The following ARHGAP29 variants were observed in gnomAD, a reference collection of about 807,000 sequenced individuals.
ARHGAP29 encodes the protein rho GTPase-activating protein 29.
A neutral mutation model predicts 122.6 loss-of-function variants in ARHGAP29; 43 were observed. The ratio of observed to expected loss-of-function variants is 0.35; its 90% CI spans 0.27 to 0.45. The LOEUF (loss-of-function observed/expected upper bound fraction) is 0.45, where lower values mean the gene tolerates loss of function less well. Ranked by LOEUF, ARHGAP29 falls within the 20% of genes least tolerant of loss-of-function variation. The pLI, the probability that ARHGAP29 is intolerant of heterozygous loss-of-function variation, is 1.00. For synonymous variants in ARHGAP29, 506 were observed against 497.1 expected, an observed-to-expected ratio of 1.02 and a Z score of -0.24; for missense variants, 1,303 against 1,477.2, an observed-to-expected ratio of 0.88 and a Z score of 1.93.
chr1:94,280,141 T>C, the ARHGAP29 span, among the ~76,000 whole-genome samples: 3 of 152,078 alleles, frequency 2.0e-5, no homozygotes, highest in Non-Finnish European at 4.4e-5. Flanking sequence ...TCTTTACTTC[T>C]TAATGGTGAA....
At chr1:94,221,855 C>T (rs1232985396) in intron 2 of ARHGAP29, among the ~76,000 whole-genome samples, 1 of 151,546 alleles carries the variant, frequency 6.6e-6, no homozygotes, top group Non-Finnish European at 1.5e-5. Flanking sequence ...GTTTCTAATA[C>T]TATTCTCCAA....
intron 1 of ARHGAP29, among the ~76,000 whole-genome samples, chr1:94,250,802 A>G (rs1654053833): frequency 6.6e-6 from 1 of 152,220 alleles, no homozygotes; most frequent in Non-Finnish European, 1.5e-5. Context: ...TTAAGTTACT[A>G]CATTTCGAAC....
Position 94,263,008 on chromosome 1 carries a change from C to T in ARHGAP29, c.-33+12004G>A, listed in dbSNP as rs185470214. Among the ~76,000 whole-genome samples the T allele has an allele frequency of 2.0e-3, 297 of 152,114 alleles. 11 individuals are homozygous for T. The highest frequency in any genetic ancestry group is 1.8e-3 in the Admixed American group (27 of 15,270). On this transcript the variant is annotated intron_variant and NMD_transcript_variant, in intron 1 of 25. Coordinates refer to the ARHGAP29 transcript ENST00000552844. Reference sequence around the variant, plus strand: ...TGGAATCAACCTAAATGCCCATCAACGGTAATCTGGATAAAGAAAATGTGG... The same window carrying T: ...TGGAATCAACCTAAATGCCCATCAATGGTAATCTGGATAAAGAAAATGTGG...
At chr1:94,308,855 T>C in the ARHGAP29 span, among the ~76,000 whole-genome samples, 1 of 152,200 alleles carries the variant, frequency 6.6e-6, no homozygotes, top group Non-Finnish European at 1.5e-5. Context: ...TAGATGGGAA[T>C]GGGAACCTTT....
chr1:94,291,310 C>T, the ARHGAP29 span, among the ~76,000 whole-genome samples: 37 of 152,274 alleles, frequency 2.4e-4, no homozygotes, highest in Non-Finnish European at 5.1e-4. Context: ...CTTGGTAGAT[C>T]TTCCTCCATC....
chr1:94,209,496 T>A (rs901645640), intron 3 of ARHGAP29, 146 bp from the exon 4 acceptor site: 1 of 518,212 alleles, frequency 1.9e-6, no homozygotes, highest in African/African-American at 2.0e-5. Flanking sequence ...AAAATTGACA[T>A]GATGTTCAAA....
In ARHGAP29 at chr1:94,170,106, G is replaced by A. The variant is rs1570468953; in HGVS notation, c.*3763C>T. On this transcript the variant is annotated 3_prime_UTR_variant, in exon 23 of 23. Coordinates refer to ENST00000260526, the MANE Select transcript of ARHGAP29 (RefSeq NM_004815.4). Reference sequence around the variant, plus strand: ...TCAATAGACTAGCCCGTGACAATTCGATGAGAAACAATACATTTACAATCT... The same window carrying A: ...TCAATAGACTAGCCCGTGACAATTCAATGAGAAACAATACATTTACAATCT... Among the ~76,000 whole-genome samples the A allele has an allele frequency of 1.3e-5, 2 of 152,140 alleles. No individual in the cohort carries two copies. The highest frequency in any genetic ancestry group is 6.6e-5 in the Admixed American group (1 of 15,266).
Position 94,174,169 on chromosome 1 carries a change from A to T in ARHGAP29, c.3486T>A (p.His1162Gln), listed in dbSNP as rs1306779906. Residue 1162 changes from histidine to glutamine, a missense_variant, in exon 23 of 23, where the codon CAT (histidine) becomes CAA (glutamine). Physicochemically the swap from His to Gln is conservative, Grantham distance 24. Coordinates refer to ENST00000260526, the MANE Select transcript of ARHGAP29 (RefSeq NM_004815.4). Reference protein sequence around the residue: ...VRAPRTLQPQHWTTFYKPHAP... With the variant: ...VRAPRTLQPQQWTTFYKPHAP... Reference sequence around the variant, plus strand: ...CATGTGGTTTATAAAATGTTGTCCAATGTTGAGGCTGCAGTGTTCTGGGTG... The same window carrying T: ...CATGTGGTTTATAAAATGTTGTCCATTGTTGAGGCTGCAGTGTTCTGGGTG... The T allele has an allele frequency of 6.2e-7, 1 of 1,614,138 alleles. No homozygotes were observed. The highest frequency in any genetic ancestry group is 8.5e-7 in the Non-Finnish European group (1 of 1,180,002).
At chr1:94,183,613 TTCA>T (rs1360967448) in intron 19 of ARHGAP29, among the ~76,000 whole-genome samples, 1 of 152,182 alleles carries the variant, frequency 6.6e-6, no homozygotes, top group African/African-American at 2.4e-5. Context: ...CCAGGACTCA[TTCA>T]TCATCTTGGC....
At chr1:94,309,955 A>G in the ARHGAP29 span, among the ~76,000 whole-genome samples, 1 of 152,200 alleles carries the variant, frequency 6.6e-6, no homozygotes, top group Non-Finnish European at 1.5e-5. Context: ...CTCAGTAAAC[A>G]TTTGTGGTTG....
upstream of ARHGAP29, among the ~76,000 whole-genome samples, chr1:94,238,776 C>T (rs1342252381): frequency 6.6e-6 from 1 of 152,016 alleles, no homozygotes; most frequent in Non-Finnish European, 1.5e-5. Flanking sequence ...GAGAGACTAC[C>T]CACTTAACAA....
chr1:94,175,039 CT>C (rs1413623650), intron 22 of ARHGAP29, among the ~76,000 whole-genome samples: 3 of 152,156 alleles, frequency 2.0e-5, no homozygotes, highest in African/African-American at 7.2e-5. Context: ...TGAACAAGTA[CT>C]TTCTGGGTCA....
At chr1:94,266,981 G>A (rs1654797368) in intron 1 of ARHGAP29, among the ~76,000 whole-genome samples, 1 of 152,202 alleles carries the variant, frequency 6.6e-6, no homozygotes, top group Non-Finnish European at 1.5e-5. Flanking sequence ...TAATGGTAGA[G>A]CCAGGACAAG....
the ARHGAP29 span, among the ~76,000 whole-genome samples, chr1:94,284,384 C>T: frequency 6.6e-6 from 1 of 152,122 alleles, no homozygotes; most frequent in South Asian, 2.1e-4. Flanking sequence ...TATAATTTTA[C>T]AAATGATAAA....
intron 13 of ARHGAP29, among the ~76,000 whole-genome samples, 166 bp from the exon 14 acceptor site, chr1:94,189,518 G>A (rs921788893): frequency 1.3e-5 from 2 of 152,144 alleles, no homozygotes; most frequent in Admixed American, 6.6e-5. Flanking sequence ...TATAGGAGAT[G>A]TAAATACTTT....
chr1:94,232,279 T>C (rs935342459), intron 1 of ARHGAP29, among the ~76,000 whole-genome samples: 7 of 152,040 alleles, frequency 4.6e-5, no homozygotes, highest in African/African-American at 1.7e-4. Context: ...AGGGATTACA[T>C]GACGCGATGA....
chr1:94,225,738 T>C (rs1273108094), intron 2 of ARHGAP29, among the ~76,000 whole-genome samples: 1 of 152,068 alleles, frequency 6.6e-6, no homozygotes, highest in African/African-American at 2.4e-5. Flanking sequence ...AATACCATAG[T>C]GGCCATATTG....
chr1:94,220,661 A>G (rs1191943941), intron 2 of ARHGAP29, among the ~76,000 whole-genome samples: 2 of 152,092 alleles, frequency 1.3e-5, no homozygotes, highest in African/African-American at 4.8e-5. Flanking sequence ...CTCAATCTTA[A>G]TATGTGCTCC....
chr1:94,243,814 C>A lies in ARHGAP29; in HGVS notation c.-32-12171G>T, dbSNP rs895903325. ...GGCTGATCGAGAAATAGAGAAAACA[C>A]AAATCACTAATATGAATGGAAGAAA... On this transcript the variant is annotated intron_variant and NMD_transcript_variant, in intron 1 of 25. Coordinates refer to the ARHGAP29 transcript ENST00000552844. 2.6e-5 allele frequency among the ~76,000 whole-genome samples: 4 copies of A among 151,880 alleles called. No homozygotes were observed. In the East Asian group the frequency reaches 7.7e-4, roughly 29 times the overall value.
Sources: allele counts gnomAD v4.1 joint callset (sites outside exome capture counted in the v4.1 genomes callset), GRCh38; gene constraint gnomAD v4.1.1; transcripts MANE v1.5; gene names NCBI Gene and HGNC (gene_info 2026-07-23, HGNC 2026-07-21).